Variants in CHCHD6 observed in about 807,000 individuals in gnomAD.
CHCHD6 encodes the protein MICOS complex subunit MIC25.
Under a neutral mutation model 32.3 loss-of-function variants are expected in CHCHD6, and 28 were observed. The ratio of observed to expected loss-of-function variants is 0.87; its 90% CI spans 0.64 to 1.19. The LOEUF (loss-of-function observed/expected upper bound fraction) is 1.19, where lower values mean the gene tolerates loss of function less well. Ranked by LOEUF, CHCHD6 falls within the 50% of genes most tolerant of loss-of-function variation. The pLI is 0.00. For synonymous variants in CHCHD6, 122 were observed against 117.5 expected (o/e 1.04, Z -0.25); for missense variants, 333 against 307.0 (o/e 1.08, Z -0.63).
intron 5 of CHCHD6, among the ~76,000 whole-genome samples, chr3:126,870,344 G>T (rs1051417349): frequency 2.0e-5 from 3 of 152,180 alleles, no homozygotes; most frequent in Non-Finnish European, 4.4e-5. Flanking sequence ...TGGAGTCGCC[G>T]TGGCTGTTAC....
At chr3:126,790,015 G>A (rs1032907405) in intron 4 of CHCHD6, among the ~76,000 whole-genome samples, 3 of 152,008 alleles carry the variant, frequency 2.0e-5, no homozygotes, top group Non-Finnish European at 4.4e-5. Flanking sequence ...TGTAGGGCAG[G>A]CCTGGTGGTG....
At chr3:126,934,240 T>C (rs1278230914) in intron 6 of CHCHD6, among the ~76,000 whole-genome samples, 1 of 152,244 alleles carries the variant, frequency 6.6e-6, no homozygotes. Context: ...ACTGGTTATC[T>C]GGGTTCTTTG....
intron 4 of CHCHD6, among the ~76,000 whole-genome samples, chr3:126,765,731 C>T (rs920854453): frequency 6.6e-6 from 1 of 152,258 alleles, no homozygotes; most frequent in African/African-American, 2.4e-5. Flanking sequence ...GGAACCACCT[C>T]TGCCCCACCC....
intron 4 of CHCHD6, among the ~76,000 whole-genome samples, chr3:126,849,531 TATTC>T (rs1263657267): frequency 2.6e-5 from 4 of 152,252 alleles, no homozygotes; most frequent in African/African-American, 9.6e-5. Context: ...CTCAATTCTC[TATTC>T]AAAGACTGTC....
chr3:126,789,393 C>T (rs1938404287), intron 4 of CHCHD6, among the ~76,000 whole-genome samples: 1 of 152,082 alleles, frequency 6.6e-6, no homozygotes, highest in African/African-American at 2.4e-5. Context: ...CTTTCTGTCT[C>T]GTTGATCTGT....
chr3:126,818,336 G>A (rs1453708971), intron 4 of CHCHD6, among the ~76,000 whole-genome samples: 1 of 152,090 alleles, frequency 6.6e-6, no homozygotes, highest in African/African-American at 2.4e-5. Context: ...CCCTTGCTGG[G>A]GTTCTGTGCT....
chr3:126,778,370 C>T (rs754152235), intron 4 of CHCHD6, among the ~76,000 whole-genome samples: 7 of 152,206 alleles, frequency 4.6e-5, no homozygotes, highest in Non-Finnish European at 5.9e-5. Context: ...TGGCTGCCAG[C>T]ACCATTTTAC....
chr3:126,736,131 A>G (rs754128892), intron 4 of CHCHD6, among the ~76,000 whole-genome samples: 1 of 152,212 alleles, frequency 6.6e-6, no homozygotes, highest in Non-Finnish European at 1.5e-5. Context: ...TTTCAAAACT[A>G]TATTCTGGAA....
intron 4 of CHCHD6, among the ~76,000 whole-genome samples, chr3:126,823,106 G>A (rs1416636467): frequency 3.3e-5 from 5 of 151,982 alleles, no homozygotes; most frequent in African/African-American, 7.2e-5. Flanking sequence ...TGGTAGAGGC[G>A]GTATCTCCCT....
chr3:126,755,327 G>A (rs1353652294), intron 4 of CHCHD6, among the ~76,000 whole-genome samples: 1 of 152,158 alleles, frequency 6.6e-6, no homozygotes, highest in African/African-American at 2.4e-5. Context: ...GGCAGCCCAA[G>A]GCCCAGGGTG....
intron 5 of CHCHD6, among the ~76,000 whole-genome samples, chr3:126,866,150 C>T (rs1002212625): frequency 1.3e-5 from 2 of 152,044 alleles, no homozygotes; most frequent in African/African-American, 4.8e-5. Flanking sequence ...CTTAGTAGTT[C>T]TGATCTCGTA....
At chr3:126,925,819 C>T (rs967869755) in intron 6 of CHCHD6, among the ~76,000 whole-genome samples, 3 of 152,248 alleles carry the variant, frequency 2.0e-5, no homozygotes, top group Non-Finnish European at 4.4e-5. Flanking sequence ...AGTGTATTTG[C>T]TGCATAACCT....
chr3:126,704,724 G>C (rs1934391394), intron 1 of CHCHD6, among the ~76,000 whole-genome samples: 1 of 152,134 alleles, frequency 6.6e-6, no homozygotes, highest in African/African-American at 2.4e-5. Flanking sequence ...CGGCCTCCCA[G>C]CCCGTGGCCC....
intron 4 of CHCHD6, among the ~76,000 whole-genome samples, chr3:126,830,076 C>T (rs902131874): frequency 3.3e-5 from 5 of 152,066 alleles, no homozygotes; most frequent in Non-Finnish European, 4.4e-5. Context: ...CCAGCTTGGG[C>T]CACAGAGTGA....
chr3:126,776,397 A>G (rs370911260), intron 4 of CHCHD6, among the ~76,000 whole-genome samples: 2 of 152,116 alleles, frequency 1.3e-5, no homozygotes, highest in East Asian at 1.9e-4. Flanking sequence ...TTTAGATCCT[A>G]ATCTGCCTTA....
intron 4 of CHCHD6, among the ~76,000 whole-genome samples, chr3:126,769,206 T>G (rs1373955228): frequency 2.0e-5 from 3 of 152,220 alleles, no homozygotes; most frequent in Non-Finnish European, 4.4e-5. Context: ...TTGTATGTAT[T>G]GTAAGGTAGG....
At chr3:126,783,482 T>A (rs1225315046) in intron 4 of CHCHD6, among the ~76,000 whole-genome samples, 2 of 152,172 alleles carry the variant, frequency 1.3e-5, no homozygotes, top group Non-Finnish European at 2.9e-5. Context: ...ATAGAAAGCA[T>A]CCAAATCAGA....
intron 1 of CHCHD6, among the ~76,000 whole-genome samples, chr3:126,713,217 C>T (rs549583250): frequency 7.2e-5 from 11 of 152,242 alleles, no homozygotes; most frequent in African/African-American, 2.6e-4. Flanking sequence ...AGGAGATGGT[C>T]ATTAAATGCA....
rs1197765869 is a variant in CHCHD6 at position 126,789,503 on chromosome 3, C to G, written c.411+56281C>G. Among the ~76,000 whole-genome samples the G allele has an allele frequency of 2.6e-5, 4 of 152,274 alleles. No individual in the cohort carries two copies. In the East Asian group the frequency reaches 7.7e-4, roughly 29 times the overall value. ...AGGCCTTGCTTTATGAATCTGGGTG[C>G]TCCTGTATTGGGTGCAGATATATTT... On this transcript the variant is annotated intron_variant, in intron 4 of 7. Coordinates refer to ENST00000290913, the MANE Select transcript of CHCHD6 (RefSeq NM_032343.3).
Sources: allele counts gnomAD v4.1 joint callset (sites outside exome capture counted in the v4.1 genomes callset), GRCh38; gene constraint gnomAD v4.1.1; transcripts MANE v1.5; gene names NCBI Gene and HGNC (gene_info 2026-07-23, HGNC 2026-07-21).